Variants in CALN1 observed in about 807,000 individuals in gnomAD.
CALN1 encodes the protein calneuron 1.
CALN1 carries 17 observed loss-of-function variants against 30.6 expected under a neutral mutation model. The observed-to-expected ratio is 0.56, with a 90% CI of 0.38 to 0.83. The LOEUF is 0.83. Among genes scored for constraint, CALN1 ranks in the 40% least tolerant of loss-of-function variants. The pLI, the probability that CALN1 is intolerant of heterozygous loss-of-function variation, is 0.00. For synonymous variants in CALN1, 156 were observed against 131.4 expected (o/e 1.19, Z -1.28); for missense variants, 291 against 354.9 (o/e 0.82, Z 1.45).
intron 2 of CALN1, among the ~76,000 whole-genome samples, chr7:72,392,432 A>C (rs1805634327): frequency 6.6e-6 from 1 of 152,186 alleles, no homozygotes; most frequent in Admixed American, 6.5e-5. Context: ...GTACGGCCAC[A>C]TGGTTCATGG....
At chr7:72,115,175 G>A (rs978971881) in intron 3 of CALN1, among the ~76,000 whole-genome samples, 2 of 86,270 alleles carry the variant, frequency 2.3e-5, no homozygotes, top group South Asian at 1.4e-3. Flanking sequence ...ATACTGTATA[G>A]TATATATTAT....
intron 6 of CALN1, among the ~76,000 whole-genome samples, chr7:71,809,242 G>C (rs1007986364): frequency 2.6e-5 from 4 of 151,934 alleles, no homozygotes; most frequent in African/African-American, 9.6e-5. Flanking sequence ...TTTAATGCTG[G>C]GTCCATGATG....
intron 2 of CALN1, among the ~76,000 whole-genome samples, chr7:72,311,651 A>ATTTTTTTTTTTTTTTTTTTTTTTTTTT (rs56197069): frequency 4.1e-5 from 2 of 48,470 alleles, no homozygotes; most frequent in African/African-American, 1.6e-4. Context: ...CCTGGCTGAG[A>ATTTTTTTTTTTTTTTTTTTTTTTTTTT]TTTTTTTTTT....
chr7:72,367,808 C>A (rs10253268), intron 2 of CALN1, among the ~76,000 whole-genome samples: 124 of 151,816 alleles, frequency 8.2e-4, no homozygotes, highest in African/African-American at 2.9e-3. Context: ...GCACTCCAGC[C>A]CAGGTGACAG....
chr7:72,488,384 A>G, the CALN1 span, among the ~76,000 whole-genome samples: 3 of 152,114 alleles, frequency 2.0e-5, no homozygotes. Flanking sequence ...AGAATAAAAA[A>G]AAATAAAAAT....
At chr7:72,411,650 T>A (rs569984413) in intron 1 of CALN1, among the ~76,000 whole-genome samples, 1 of 152,194 alleles carries the variant, frequency 6.6e-6, no homozygotes, top group Non-Finnish European at 1.5e-5. Flanking sequence ...CGAAAAGTCT[T>A]GTCAGGCCTA....
chr7:72,074,564 C>T (rs1804609118), intron 4 of CALN1, among the ~76,000 whole-genome samples: 1 of 152,166 alleles, frequency 6.6e-6, no homozygotes, highest in Admixed American at 6.5e-5. Flanking sequence ...CCCACCACCA[C>T]TCCAGACTAA....
intron 6 of CALN1, among the ~76,000 whole-genome samples, chr7:71,797,000 A>G (rs1786967481): frequency 6.6e-6 from 1 of 152,096 alleles, no homozygotes; most frequent in Admixed American, 6.6e-5. Context: ...ACACTGCTCC[A>G]CTCAGCAAAT....
At chr7:71,879,337 A>G (rs533628431) in intron 5 of CALN1, among the ~76,000 whole-genome samples, 1 of 152,300 alleles carries the variant, frequency 6.6e-6, no homozygotes, top group Admixed American at 6.5e-5. Context: ...AACACCCTAG[A>G]TAGAATGGTC....
At chr7:72,356,351 C>T (rs1452623938) in intron 2 of CALN1, among the ~76,000 whole-genome samples, 4 of 151,880 alleles carry the variant, frequency 2.6e-5, no homozygotes, top group African/African-American at 4.8e-5. Flanking sequence ...CTTAAATCCA[C>T]GAAGAAGTAA....
chr7:72,278,352 T>C (rs1241308996), intron 3 of CALN1, among the ~76,000 whole-genome samples: 1 of 152,074 alleles, frequency 6.6e-6, no homozygotes, highest in Non-Finnish European at 1.5e-5. Context: ...GACAATTCCA[T>C]TGGTGATAAA....
At chr7:72,199,962 G>A (rs545000265) in intron 3 of CALN1, among the ~76,000 whole-genome samples, 4 of 152,128 alleles carry the variant, frequency 2.6e-5, no homozygotes, top group East Asian at 1.9e-4. Flanking sequence ...AAACAATGAC[G>A]GGCAGCCTGC....
chr7:72,150,345 G>A (rs1263071392), intron 3 of CALN1, among the ~76,000 whole-genome samples: 1 of 152,140 alleles, frequency 6.6e-6, no homozygotes, highest in Non-Finnish European at 1.5e-5. Flanking sequence ...TGGGATAGAG[G>A]ATTGAAGAAG....
chr7:71,825,080 T>C (rs573015383), intron 5 of CALN1, among the ~76,000 whole-genome samples: 1 of 152,162 alleles, frequency 6.6e-6, no homozygotes, highest in Non-Finnish European at 1.5e-5. Flanking sequence ...GCGCAAACAA[T>C]GCAGCCTCTT....
intron 3 of CALN1, among the ~76,000 whole-genome samples, chr7:72,276,925 A>G (rs1024418636): frequency 3.3e-5 from 5 of 152,228 alleles, no homozygotes; most frequent in Non-Finnish European, 7.3e-5. Flanking sequence ...TCTCTCCACC[A>G]TATGAGGACA....
chr7:72,478,087 G>A, the CALN1 span, among the ~76,000 whole-genome samples: 1 of 137,052 alleles, frequency 7.3e-6, no homozygotes, highest in Non-Finnish European at 1.6e-5. Context: ...AATGAAAATG[G>A]ATGATGATGC....
intron 2 of CALN1, among the ~76,000 whole-genome samples, chr7:72,286,994 G>GT (rs1162195060): frequency 2.0e-5 from 3 of 152,220 alleles, no homozygotes; most frequent in African/African-American, 7.2e-5. Flanking sequence ...TTTGGAAAAG[G>GT]TGCATGCATT....
intron 5 of CALN1, among the ~76,000 whole-genome samples, chr7:71,932,126 A>G (rs1795586730): frequency 2.0e-5 from 3 of 152,120 alleles, no homozygotes; most frequent in Admixed American, 6.6e-5. Flanking sequence ...TGTGCTTTGG[A>G]GAGTGGTTCT....
chr7:72,376,549 T>A (rs1804567501), intron 2 of CALN1, among the ~76,000 whole-genome samples: 1 of 152,240 alleles, frequency 6.6e-6, no homozygotes, highest in African/African-American at 2.4e-5. Flanking sequence ...TGTCCTTTTT[T>A]AATTTAGCTG....
Sources: gnomAD v4.1 joint callset for allele counts (sites outside exome capture counted in the v4.1 genomes callset) on GRCh38, gnomAD v4.1.1 for gene constraint, MANE v1.5 for transcripts, NCBI Gene and HGNC (gene_info 2026-07-23, HGNC 2026-07-21) for gene names.